Variants in LARGE1 observed in about 807,000 individuals in gnomAD.
LARGE1 encodes LARGE xylosyl- and glucuronyltransferase 1, also known as xylosyl- and glucuronyltransferase LARGE1.
In LARGE1, 43 loss-of-function variants were observed where a neutral mutation model predicts 87.6. The ratio of observed to expected loss-of-function variants is 0.49; its 90% CI spans 0.38 to 0.63. The LOEUF (loss-of-function observed/expected upper bound fraction) is 0.63. LARGE1 is among the 30% of genes least tolerant of loss of function. The probability of loss-of-function intolerance (pLI) is 0.00; values close to 1 mark genes in which losing one functional copy is unlikely to be tolerated. For missense variants in LARGE1, 802 were observed against 1,000.2 expected (o/e 0.80, Z 2.67); for synonymous variants, 434 against 394.6 (o/e 1.10, Z -1.18).
intron 11 of LARGE1, among the ~76,000 whole-genome samples, chr22:33,312,099 C>A (rs1935661108): frequency 6.6e-6 from 1 of 152,166 alleles, no homozygotes; most frequent in Non-Finnish European, 1.5e-5. Context: ...CTTCTCTCAT[C>A]TGATCTTTGT....
intron 1 of LARGE1, among the ~76,000 whole-genome samples, chr22:33,881,523 T>G (rs16993223): frequency 6.6e-6 from 1 of 152,152 alleles, no homozygotes; most frequent in Non-Finnish European, 1.5e-5. Context: ...AGAAGAGAAG[T>G]GTGGTTAAAA....
At chr22:33,294,461 C>T (rs5754509) in intron 12 of LARGE1, among the ~76,000 whole-genome samples, 34,268 of 152,150 alleles carry the variant, frequency 0.23, 7,573 homozygotes, top group African/African-American at 0.58. Flanking sequence ...TAAAAGGGGA[C>T]AGGAGGAGAT....
intron 2 of LARGE1, among the ~76,000 whole-genome samples, chr22:33,746,974 T>C (rs1601509253): frequency 6.6e-6 from 1 of 152,096 alleles, no homozygotes; most frequent in East Asian, 1.9e-4. Flanking sequence ...AGGAACCCCA[T>C]TTAGTAGATC....
intron 7 of LARGE1, among the ~76,000 whole-genome samples, chr22:33,387,558 G>A (rs187624516): frequency 2.8e-5 from 4 of 143,718 alleles, no homozygotes; most frequent in Non-Finnish European, 6.0e-5. Flanking sequence ...TAGAAACAAT[G>A]ATGAAATATA....
chr22:33,494,956 C>T (rs1445484730), intron 6 of LARGE1, among the ~76,000 whole-genome samples: 1 of 152,138 alleles, frequency 6.6e-6, no homozygotes, highest in Non-Finnish European at 1.5e-5. Context: ...CACCCTAGGG[C>T]TCAAGGGGAG....
At chr22:33,413,669 G>A (rs1283033947) in intron 7 of LARGE1, among the ~76,000 whole-genome samples, 1 of 151,940 alleles carries the variant, frequency 6.6e-6, no homozygotes, top group African/African-American at 2.4e-5. Flanking sequence ...GTTTCACCAT[G>A]CTGGCCAGGC....
intron 6 of LARGE1, among the ~76,000 whole-genome samples, chr22:33,483,613 G>A (rs2069430497): frequency 6.6e-6 from 1 of 151,678 alleles, no homozygotes; most frequent in African/African-American, 2.4e-5. Flanking sequence ...TAGCCAAGGG[G>A]AACGAAATAG....
At chr22:33,796,204 A>T (rs190079534) in intron 1 of LARGE1, among the ~76,000 whole-genome samples, 39 of 152,356 alleles carry the variant, frequency 2.6e-4, no homozygotes, top group Non-Finnish European at 4.4e-5. Flanking sequence ...AAAACAAATT[A>T]AGAGTTTGAG....
At chr22:33,332,689 T>G (rs567441925) in intron 10 of LARGE1, among the ~76,000 whole-genome samples, 4 of 152,264 alleles carry the variant, frequency 2.6e-5, no homozygotes, top group African/African-American at 9.6e-5. Flanking sequence ...ACCCTTTCCC[T>G]CTGGTTGTGT....
intron 7 of LARGE1, among the ~76,000 whole-genome samples, chr22:33,407,530 G>A (rs1447856099): frequency 6.6e-6 from 1 of 152,078 alleles, no homozygotes; most frequent in Non-Finnish European, 1.5e-5. Flanking sequence ...TATAATTAAG[G>A]TGGGTGAAGG....
At chr22:33,509,847 G>A (rs973421254) in intron 6 of LARGE1, among the ~76,000 whole-genome samples, 1 of 152,186 alleles carries the variant, frequency 6.6e-6, no homozygotes, top group African/African-American at 2.4e-5. Flanking sequence ...CATTTAGACA[G>A]AAATGAATCG....
chr22:33,571,066 G>A (rs1285992284), intron 5 of LARGE1, among the ~76,000 whole-genome samples: 1 of 151,878 alleles, frequency 6.6e-6, no homozygotes, highest in Admixed American at 6.5e-5. Context: ...ATAAAAATGA[G>A]AGTTAGTTTA....
At chr22:33,686,542 CA>C (rs532082764) in intron 2 of LARGE1, among the ~76,000 whole-genome samples, 117 of 45,522 alleles carry the variant, frequency 2.6e-3, no homozygotes, top group African/African-American at 3.9e-3. Context: ...GACTCCATCT[CA>C]AAAAAAAAAA....
intron 11 of LARGE1, among the ~76,000 whole-genome samples, chr22:33,210,501 T>C (rs1212823610): frequency 6.6e-6 from 1 of 152,242 alleles, no homozygotes; most frequent in Non-Finnish European, 1.5e-5. Flanking sequence ...ACCTCATTCT[T>C]GGAGGCCTCA....
At chr22:33,661,145 G>C (rs1290109277) in intron 2 of LARGE1, among the ~76,000 whole-genome samples, 1 of 151,532 alleles carries the variant, frequency 6.6e-6, no homozygotes, top group Non-Finnish European at 1.5e-5. Flanking sequence ...CTCACTTTGT[G>C]AATCTATACT....
intron 7 of LARGE1, among the ~76,000 whole-genome samples, chr22:33,395,548 G>C (rs2065709942): frequency 6.6e-6 from 1 of 152,202 alleles, no homozygotes; most frequent in Non-Finnish European, 1.5e-5. Context: ...CTTGCATTAT[G>C]AAAACTGTTT....
At chr22:33,105,765 G>A in the LARGE1 span, 1 of 152,256 alleles carries the variant, frequency 6.6e-6, no homozygotes, top group Non-Finnish European at 1.5e-5. Context: ...TCTTAAGCCA[G>A]GCTGGGAGCA....
At chr22:33,154,444 T>C in the LARGE1 span, among the ~76,000 whole-genome samples, 1 of 152,172 alleles carries the variant, frequency 6.6e-6, no homozygotes, top group African/African-American at 2.4e-5. Flanking sequence ...TTCACAATAT[T>C]GGCCAGGCTG....
chr22:33,180,824 A>G (rs1332133193), intron 11 of LARGE1, among the ~76,000 whole-genome samples: 1 of 152,252 alleles, frequency 6.6e-6, no homozygotes, highest in Non-Finnish European at 1.5e-5. Flanking sequence ...CCTATTACAA[A>G]AGGGCACATA....
Sources: gnomAD v4.1 joint callset for allele counts (sites outside exome capture counted in the v4.1 genomes callset) on GRCh38, gnomAD v4.1.1 for gene constraint, MANE v1.5 for transcripts, NCBI Gene and HGNC (gene_info 2026-07-23, HGNC 2026-07-21) for gene names.